DOCK3: variants seen among roughly 807,000 people sequenced by gnomAD.
The protein encoded by DOCK3 is dedicator of cytokinesis 3, also known as dedicator of cytokinesis protein 3.
In DOCK3, 60 loss-of-function variants were observed where a neutral mutation model predicts 265.6. The observed-to-expected ratio is 0.23, with a 90% confidence interval of 0.18 to 0.28. The LOEUF is 0.28. DOCK3 is among the 10% of genes least tolerant of loss of function. The pLI is 1.00. For missense variants in DOCK3, 1,981 were observed against 2,594.3 expected, an observed-to-expected ratio of 0.76 and a Z score of 5.14; for synonymous variants, 881 against 938.0, an observed-to-expected ratio of 0.94 and a Z score of 1.11.
chr3:51,201,249 G>A lies in DOCK3; in HGVS notation c.1038-7525G>A, dbSNP rs2088744026. Among the ~76,000 whole-genome samples the A allele has an allele frequency of 2.7e-5, 4 of 150,834 alleles. No individual in the cohort carries two copies. The South Asian group carries it at 8.6e-4, about 32-fold the overall frequency. ...ACTGGCAAATTGGATAAAGAGTCAA[G>A]ACCCATCAGTGTGCTGTATTCAGGA... On this transcript the variant is annotated intron_variant, in intron 12 of 52. Coordinates refer to ENST00000266037, the MANE Select transcript of DOCK3 (RefSeq NM_004947.5).
intron 9 of DOCK3, among the ~76,000 whole-genome samples, chr3:51,124,715 C>G (rs192190871): frequency 1.1e-3 from 173 of 152,166 alleles, no homozygotes; most frequent in Non-Finnish European, 2.0e-3. Flanking sequence ...TTATTTTCAC[C>G]ATTCAGATAC....
intron 4 of DOCK3, among the ~76,000 whole-genome samples, chr3:50,922,916 C>T (rs1428681219): frequency 6.6e-6 from 1 of 152,070 alleles, no homozygotes; most frequent in Non-Finnish European, 1.5e-5. Context: ...ATGCCTCTCC[C>T]CCTTCCCACC....
At chr3:51,290,309 G>A (rs1263059856) in intron 27 of DOCK3, among the ~76,000 whole-genome samples, 3 of 152,170 alleles carry the variant, frequency 2.0e-5, no homozygotes, top group African/African-American at 7.2e-5. Flanking sequence ...TGATAGACTG[G>A]ATTAAGAAAA....
intron 4 of DOCK3, among the ~76,000 whole-genome samples, chr3:50,904,579 T>A (rs1004259346): frequency 6.6e-6 from 1 of 152,254 alleles, no homozygotes; most frequent in African/African-American, 2.4e-5. Context: ...AAGTGTCTGT[T>A]CATATCCTTT....
At chr3:51,018,396 A>C (rs1217734886) in intron 5 of DOCK3, among the ~76,000 whole-genome samples, 1 of 151,370 alleles carries the variant, frequency 6.6e-6, no homozygotes, top group East Asian at 1.9e-4. Flanking sequence ...CCAGGAGTCC[A>C]AGAAGAGCCT....
chr3:51,007,123 C>T lies in DOCK3; in HGVS notation c.316-57325C>T, dbSNP rs187951821. The stretch of plus-strand genomic sequence containing the variant: ...CTTTATAGTAGCATGCTTTATAATC[C>T]GTTGGATATATACCCAGTAATGGGA... On this transcript the variant is annotated intron_variant, in intron 5 of 52. Coordinates refer to ENST00000266037, the MANE Select transcript of DOCK3 (RefSeq NM_004947.5). Among the ~76,000 whole-genome samples, 305 of 152,222 alleles carry T rather than the reference C, an allele frequency of 2.0e-3. 1 individual carries two copies. The highest frequency in any genetic ancestry group is 3.4e-3 in the Non-Finnish European group (232 of 68,002).
At chr3:50,806,921 G>A (rs370958726) in intron 2 of DOCK3, among the ~76,000 whole-genome samples, 1 of 152,118 alleles carries the variant, frequency 6.6e-6, no homozygotes, top group Non-Finnish European at 1.5e-5. Flanking sequence ...TGGACTCAGG[G>A]GGTGTAAGGA....
chr3:51,171,746 G>T (rs1342178705), intron 12 of DOCK3, among the ~76,000 whole-genome samples: 1 of 151,772 alleles, frequency 6.6e-6, no homozygotes, highest in Non-Finnish European at 1.5e-5. Context: ...TTGTTTTGTG[G>T]CCTAATAAAT....
At chr3:50,922,483 C>T (rs1311851705) in intron 4 of DOCK3, among the ~76,000 whole-genome samples, 1 of 152,214 alleles carries the variant, frequency 6.6e-6, no homozygotes. Context: ...AAAGGGAATT[C>T]CCCGACCCCT....
intron 5 of DOCK3, among the ~76,000 whole-genome samples, chr3:51,051,899 A>T (rs940883372): frequency 1.3e-5 from 2 of 151,976 alleles, no homozygotes; most frequent in African/African-American, 4.8e-5. Flanking sequence ...CTTTTAAACA[A>T]CCAGATCTCA....
At chr3:50,964,982 A>G (rs1326079694) in intron 5 of DOCK3, among the ~76,000 whole-genome samples, 1 of 152,104 alleles carries the variant, frequency 6.6e-6, no homozygotes, top group Non-Finnish European at 1.5e-5. Context: ...TAGAAAATGA[A>G]AGCAAAATAA....
intron 23 of DOCK3, among the ~76,000 whole-genome samples, chr3:51,266,624 A>G (rs545273269): frequency 6.6e-6 from 1 of 152,364 alleles, no homozygotes; most frequent in South Asian, 2.1e-4. Flanking sequence ...GGCTAGCCAT[A>G]TGCAGAAAAT....
chr3:51,286,284 G>A (rs1420908337), intron 27 of DOCK3, among the ~76,000 whole-genome samples: 1 of 152,046 alleles, frequency 6.6e-6, no homozygotes, highest in African/African-American at 2.4e-5. Context: ...TCTACAAGGA[G>A]AATTACAAAA....
chr3:50,719,660 G>A (rs2037353150), intron 1 of DOCK3: 1 of 1,568,918 alleles, frequency 6.4e-7, no homozygotes. Flanking sequence ...AACCATTTGT[G>A]TTGGGTCCAG....
At chr3:51,338,441 C>T (rs1376849350) in intron 36 of DOCK3, 22 bp downstream of exon 36, 3 of 1,551,668 alleles carry the variant, frequency 1.9e-6, no homozygotes, top group Non-Finnish European at 8.7e-7. Flanking sequence ...TGGGCCCTGA[C>T]TTCTCTCTGC....
At chr3:50,935,560 C>CT (rs1238993450) in intron 5 of DOCK3, among the ~76,000 whole-genome samples, 4 of 152,168 alleles carry the variant, frequency 2.6e-5, no homozygotes, top group Non-Finnish European at 5.9e-5. Flanking sequence ...CCTTGTTGTA[C>CT]TCTCCCCAGC....
chr3:51,120,022 A>T (rs907022431), intron 9 of DOCK3, among the ~76,000 whole-genome samples: 11 of 151,850 alleles, frequency 7.2e-5, no homozygotes, highest in African/African-American at 2.7e-4. Flanking sequence ...AGGAGTTGTG[A>T]TCCTTTGGAG....
intron 32 of DOCK3, among the ~76,000 whole-genome samples, chr3:51,329,426 A>T (rs1304157574): frequency 6.6e-6 from 1 of 152,180 alleles, no homozygotes; most frequent in Admixed American, 6.5e-5. Flanking sequence ...CCCTGAACTT[A>T]AAATTAAATT....
Position 51,214,127 on chromosome 3 carries a change from A to G in DOCK3, c.1132A>G (p.Ile378Val), listed in dbSNP as rs2089654213. 1 of 1,613,838 alleles carries G rather than the reference A, an allele frequency of 6.2e-7. No homozygotes were observed. The highest frequency in any genetic ancestry group is 8.5e-7 in the Non-Finnish European group (1 of 1,179,816). The change falls in exon 14 of 53, where the codon ATC becomes GTC. Residue 378 changes from isoleucine (I) to valine (V), a missense_variant. By Grantham distance (29) the Ile-to-Val change is conservative. Around this residue, in one of 4 missense-constraint regions of DOCK3, gnomAD observed 456 missense variants for 539.0 expected, o/e 0.85. Transcript: ENST00000266037. ...AAATGCTTTTGTTTTTGCAGGTCTTATCATTTCTCTGCAGCTTCTTCGTGG... is the reference window on the plus strand; with the variant it reads ...AAATGCTTTTGTTTTTGCAGGTCTTGTCATTTCTCTGCAGCTTCTTCGTGG... ...YSAPSASHGL[I>V]ISLQLLRGDM...
Sources: allele counts gnomAD v4.1 joint callset (sites outside exome capture counted in the v4.1 genomes callset), GRCh38; gene constraint gnomAD v4.1.1; regional missense constraint gnomAD v4.1.1; transcripts MANE v1.5; gene names NCBI Gene and HGNC (gene_info 2026-07-23, HGNC 2026-07-21).